KLHL1: variants seen among roughly 807,000 people sequenced by gnomAD.
KLHL1 encodes kelch like family member 1, also known as kelch-like protein 1.
KLHL1 carries 47 observed loss-of-function variants against 77.7 expected under a neutral mutation model. The ratio of observed to expected loss-of-function variants is 0.60; its 90% CI spans 0.48 to 0.77. KLHL1 has a LOEUF of 0.77. KLHL1 is among the 30% of genes least tolerant of loss of function. KLHL1 has a pLI of 0.00. For missense variants in KLHL1, 925 were observed against 910.8 expected (o/e 1.02, Z -0.20); for synonymous variants, 360 against 325.2 (o/e 1.11, Z -1.15).
intron 6 of KLHL1, among the ~76,000 whole-genome samples, chr13:69,818,112 TA>T (rs200926053): frequency 0.019 from 2,904 of 152,116 alleles, 80 homozygotes; most frequent in African/African-American, 0.066. Flanking sequence ...CTGACAGCCT[TA>T]TTTTATTCTT....
chr13:69,997,472 C>A (rs1342296330), intron 1 of KLHL1, among the ~76,000 whole-genome samples: 1 of 151,070 alleles, frequency 6.6e-6, no homozygotes, highest in Non-Finnish European at 1.5e-5. Context: ...ATTTTCTCTC[C>A]CTTCTAGCCA....
chr13:69,912,500 G>A (rs77463458), intron 4 of KLHL1, among the ~76,000 whole-genome samples: 2,076 of 152,224 alleles, frequency 0.014, 29 homozygotes, highest in Non-Finnish European at 0.021. Flanking sequence ...TTTCAACAAT[G>A]TATCAGGAAG....
At chr13:70,041,489 G>C (rs1219770919) in intron 1 of KLHL1, among the ~76,000 whole-genome samples, 1 of 152,170 alleles carries the variant, frequency 6.6e-6, no homozygotes, top group Admixed American at 6.5e-5. Context: ...GAAGGAAAGA[G>C]ACTCTTTGTT....
At chr13:70,082,972 G>T (rs570694677) in intron 1 of KLHL1, among the ~76,000 whole-genome samples, 1 of 152,194 alleles carries the variant, frequency 6.6e-6, no homozygotes, top group South Asian at 2.1e-4. Flanking sequence ...AGAAACTAAC[G>T]GGTAGGGAAG....
At chr13:69,732,544 C>A (rs1162968232) in intron 8 of KLHL1, among the ~76,000 whole-genome samples, 1 of 152,134 alleles carries the variant, frequency 6.6e-6, no homozygotes, top group Non-Finnish European at 1.5e-5. Context: ...TCTCTGAAAA[C>A]CACTTTTCTG....
chr13:69,895,502 A>G (rs1881601548), intron 4 of KLHL1, among the ~76,000 whole-genome samples: 1 of 152,152 alleles, frequency 6.6e-6, no homozygotes, highest in Admixed American at 6.5e-5. Context: ...TTTGTATATT[A>G]GTTTCCTATT....
chr13:69,871,960 A>T (rs1164793384), intron 5 of KLHL1, among the ~76,000 whole-genome samples: 1 of 152,154 alleles, frequency 6.6e-6, no homozygotes, highest in Non-Finnish European at 1.5e-5. Context: ...ACCCAGTGCC[A>T]AGGCTGCTTC....
At chr13:70,049,107 T>A (rs2137389565) in intron 1 of KLHL1, among the ~76,000 whole-genome samples, 1 of 152,264 alleles carries the variant, frequency 6.6e-6, no homozygotes, top group African/African-American at 2.4e-5. Flanking sequence ...GTTTAGAAAA[T>A]ACTTTTTTAA....
chr13:69,989,088 T>A (rs1381212191), intron 1 of KLHL1, among the ~76,000 whole-genome samples: 2 of 152,118 alleles, frequency 1.3e-5, no homozygotes, highest in South Asian at 2.1e-4. Flanking sequence ...TTTTTATAGT[T>A]TTATGTTTTA....
At chr13:70,094,468 G>A (rs1887742666) in intron 1 of KLHL1, among the ~76,000 whole-genome samples, 1 of 149,648 alleles carries the variant, frequency 6.7e-6, no homozygotes, top group African/African-American at 2.5e-5. Flanking sequence ...AAAGCTGCTT[G>A]GGAAAAAGCA....
chr13:70,040,354 TA>T (rs1886345339), intron 1 of KLHL1, among the ~76,000 whole-genome samples: 1 of 152,194 alleles, frequency 6.6e-6, no homozygotes, highest in South Asian at 2.1e-4. Flanking sequence ...TATCGGGCAC[TA>T]TGTTCACTAC....
intron 7 of KLHL1, among the ~76,000 whole-genome samples, chr13:69,784,381 C>A (rs573681988): frequency 6.6e-6 from 1 of 152,170 alleles, no homozygotes; most frequent in Non-Finnish European, 1.5e-5. Flanking sequence ...TTAAAAGACA[C>A]AGACTAGCAA....
chr13:69,786,345 GT>G (rs1264693742), intron 7 of KLHL1, among the ~76,000 whole-genome samples: 2 of 152,288 alleles, frequency 1.3e-5, no homozygotes, highest in East Asian at 3.9e-4. Context: ...TGCAAGGCTG[GT>G]TCAATATACG....
At chr13:70,070,645 A>G (rs189884689) in intron 1 of KLHL1, among the ~76,000 whole-genome samples, 8 of 152,258 alleles carry the variant, frequency 5.3e-5, no homozygotes, top group Non-Finnish European at 1.0e-4. Context: ...CATACAGATA[A>G]TAAATTCAGG....
At chr13:69,840,736 A>ATGTG (rs1879224338) in intron 5 of KLHL1, among the ~76,000 whole-genome samples, 7 of 150,772 alleles carry the variant, frequency 4.6e-5, no homozygotes, top group African/African-American at 7.3e-5. Context: ...GTATGTATGT[A>ATGTG]TAGAAGATCT....
intron 4 of KLHL1, among the ~76,000 whole-genome samples, chr13:69,916,091 C>T (rs1184368638): frequency 1.3e-5 from 2 of 152,130 alleles, no homozygotes; most frequent in African/African-American, 4.8e-5. Context: ...CAGGAAACAA[C>T]AGGTGCTGGA....
At chr13:70,016,730 T>G (rs1885668292) in intron 1 of KLHL1, among the ~76,000 whole-genome samples, 1 of 152,080 alleles carries the variant, frequency 6.6e-6, no homozygotes, top group Non-Finnish European at 1.5e-5. Context: ...GCAGACAGGC[T>G]CCTGGACAAA....
At position 69,837,370 on chromosome 13, in the gene KLHL1, G is replaced by A. The variant is rs140901179; in HGVS notation, c.1414+1606C>T. ...TTTCTGTGTGAATAATAATTAGTAA[G>A]CAATTTGAAATGTCTTTCAAAAATT... On this transcript the variant is annotated intron_variant, in intron 6 of 10. Coordinates refer to ENST00000377844, the MANE Select transcript of KLHL1 (RefSeq NM_020866.3). 8.5e-4 allele frequency among the ~76,000 whole-genome samples: 129 copies of A among 151,408 alleles called. 2 individuals are homozygous for A. Among genetic ancestry groups the A allele is most frequent in the African/African-American group, 3.0e-3 (126 of 41,386 alleles).
intron 10 of KLHL1, among the ~76,000 whole-genome samples, chr13:69,705,065 A>G (rs774924362): frequency 7.2e-5 from 11 of 151,752 alleles, no homozygotes; most frequent in Non-Finnish European, 1.2e-4. Flanking sequence ...TTAATAAATG[A>G]CACATTGTCT....
Sources: allele counts gnomAD v4.1 joint callset (sites outside exome capture counted in the v4.1 genomes callset), GRCh38; gene constraint gnomAD v4.1.1; transcripts MANE v1.5; gene names NCBI Gene and HGNC (gene_info 2026-07-23, HGNC 2026-07-21).